PCDHGA7: variants seen among roughly 807,000 people sequenced by gnomAD.
PCDHGA7 encodes the protein protocadherin gamma subfamily A, 7.
A neutral mutation model predicts 58.3 loss-of-function variants in PCDHGA7; 44 were observed. The observed-to-expected ratio is 0.75, with a 90% CI of 0.59 to 0.97. The LOEUF is 0.97. Among genes scored for constraint, PCDHGA7 ranks in the 50% least tolerant of loss-of-function variants. The pLI, the probability that PCDHGA7 is intolerant of heterozygous loss-of-function variation, is 0.00. For synonymous variants in PCDHGA7, 516 were observed against 504.2 expected, an observed-to-expected ratio of 1.02 and a Z score of -0.31; for missense variants, 1,266 against 1,188.7, an observed-to-expected ratio of 1.06 and a Z score of -0.96.
At chr5:141,498,581 C>A (rs1281809549) in intron 2 of PCDHGA7, among the ~76,000 whole-genome samples, 1 of 152,104 alleles carries the variant, frequency 6.6e-6, no homozygotes, top group East Asian at 1.9e-4. Flanking sequence ...GTATTGAGTT[C>A]TTCAGTAAAC....
chr5:141,413,483 G>A (rs2095646690), intron 1 of PCDHGA7: 1 of 1,614,080 alleles, frequency 6.2e-7, no homozygotes, highest in East Asian at 2.2e-5. Flanking sequence ...TGCGCTCAGA[G>A]CGCGCGGTGC....
At chr5:141,401,058 T>A (rs967099811) in intron 1 of PCDHGA7, among the ~76,000 whole-genome samples, 1 of 152,236 alleles carries the variant, frequency 6.6e-6, no homozygotes, top group African/African-American at 2.4e-5. Flanking sequence ...AAATACTATA[T>A]GTTGGCTGGG....
chr5:141,474,608 T>G (rs1469173973), intron 1 of PCDHGA7, among the ~76,000 whole-genome samples: 1 of 152,268 alleles, frequency 6.6e-6, no homozygotes, highest in Non-Finnish European at 1.5e-5. Flanking sequence ...AGGTCACATA[T>G]GGCTTTTCAT....
chr5:141,384,372 G>C lies in PCDHGA7; in HGVS notation c.1473G>C (p.Leu491Phe). 1 of 1,613,854 alleles carries C rather than the reference G, an allele frequency of 6.2e-7. No individual in the cohort carries two copies. Among genetic ancestry groups the C allele is most frequent in the South Asian group, 1.1e-5 (1 of 91,088 alleles). Residue 491 changes from leucine (L) to phenylalanine (F), a missense_variant, in exon 1 of 4, where the codon TTG becomes TTC. Coordinates refer to ENST00000518325, the MANE Select transcript of PCDHGA7 (RefSeq NM_018920.4). Reference sequence around the variant, plus strand: ...ATAATGCCCAGATCACTTATTCCTTGGCCGAAGACACCATCCAGGGGGCTC... The same window carrying C: ...ATAATGCCCAGATCACTTATTCCTTCGCCGAAGACACCATCCAGGGGGCTC... ...SEDNAQITYS[L>F]AEDTIQGAPV...
intron 1 of PCDHGA7, chr5:141,418,120 G>A: frequency 6.2e-7 from 1 of 1,614,084 alleles, no homozygotes; most frequent in Non-Finnish European, 8.5e-7. Context: ...TACTTGTGAA[G>A]GACCGAATAG....
intron 1 of PCDHGA7, among the ~76,000 whole-genome samples, chr5:141,433,680 A>G (rs570459317): frequency 1.3e-5 from 2 of 152,236 alleles, no homozygotes; most frequent in African/African-American, 4.8e-5. Context: ...TACTAAAAAA[A>G]TACAAAATTA....
At chr5:141,453,807 A>G (rs752553367) in intron 1 of PCDHGA7, among the ~76,000 whole-genome samples, 3 of 152,250 alleles carry the variant, frequency 2.0e-5, no homozygotes, top group Non-Finnish European at 4.4e-5. Flanking sequence ...GAGTAGTTCC[A>G]TAAAGGACAA....
At chr5:141,414,245 T>A in intron 1 of PCDHGA7, 2 of 1,613,498 alleles carry the variant, frequency 1.2e-6, no homozygotes, top group Non-Finnish European at 1.7e-6. Context: ...ACGTCTCTAT[T>A]TAGTCCAGTG....
Position 141,485,792 on chromosome 5 carries a change from G to T in PCDHGA7, c.2425-9015G>T, listed in dbSNP as rs114766079. 6.2e-6 allele frequency: 10 copies of T among 1,614,118 alleles called. No individual in the cohort carries two copies. In the Admixed American group the frequency reaches 1.3e-4, roughly 22 times the overall value. ...GCCTTTGGATCGAGAGAAGCAATCG[G>T]ACTACCGCCTGGTGCTGACTGCTGT... On this transcript the variant is annotated intron_variant, in intron 1 of 3. Transcript: ENST00000518325. This position sits in a 1 kb window ranked among gnomAD's most constrained non-coding sequence, Gnocchi z 5.7.
intron 1 of PCDHGA7, chr5:141,428,189 CTCTCTGCGCCGCTACGCTTCACCTAG>C: frequency 7.0e-7 from 1 of 1,429,262 alleles, no homozygotes; most frequent in Non-Finnish European, 9.7e-7. Flanking sequence ...ACAGCCGCCG[CTCTCTGCGCCGCTACGCTTCACCTAG>C]TCTTCGCAGA....
intron 1 of PCDHGA7, chr5:141,393,440 C>T (rs777552488): frequency 1.7e-5 from 27 of 1,613,924 alleles, no homozygotes; most frequent in Non-Finnish European, 2.3e-5. Context: ...CTGCTCACCA[C>T]CTGGTCCTCA....
rs200843744 is a variant in PCDHGA7, at chr5:141,491,417, G to C, written c.2425-3390G>C. 18 of 1,613,988 alleles carry C rather than the reference G, an allele frequency of 1.1e-5. No individual in the cohort carries two copies. Among genetic ancestry groups the C allele is most frequent in the Admixed American group, 5.0e-5 (3 of 60,006 alleles). ...CAGGGAAACGCAGACGGGGACGGGGGTGGAGGGCAGTGCTGCAGGCGCCAG... is the reference window on the plus strand; with the variant it reads ...CAGGGAAACGCAGACGGGGACGGGGCTGGAGGGCAGTGCTGCAGGCGCCAG... On this transcript the variant is annotated intron_variant, in intron 1 of 3. Transcript: ENST00000518325. This position sits in a 1 kb window ranked among gnomAD's most constrained non-coding sequence, Gnocchi z 6.9.
At chr5:141,481,762 GC>G (rs1307001837) in intron 1 of PCDHGA7, among the ~76,000 whole-genome samples, 1 of 152,126 alleles carries the variant, frequency 6.6e-6, no homozygotes, top group Admixed American at 6.5e-5. Context: ...GACCAGCCTG[GC>G]CAACATGGTG....
chr5:141,426,766 T>C (rs2096958771), intron 1 of PCDHGA7: 1 of 456,532 alleles, frequency 2.2e-6, no homozygotes, highest in South Asian at 1.5e-5. Flanking sequence ...GATGCAGATG[T>C]AGGGCCTCAC....
intron 1 of PCDHGA7, among the ~76,000 whole-genome samples, chr5:141,473,948 A>ACC (rs2099333859): frequency 1.3e-5 from 2 of 152,182 alleles, no homozygotes; most frequent in Non-Finnish European, 2.9e-5. Context: ...TCAGGCCTGT[A>ACC]GTCCCATCTA....
intron 2 of PCDHGA7, among the ~76,000 whole-genome samples, chr5:141,500,900 C>T (rs1309164700): frequency 4.0e-5 from 6 of 150,642 alleles, no homozygotes; most frequent in South Asian, 2.1e-4. Flanking sequence ...GAGACAGTCT[C>T]GCTCTGTCTC....
chr5:141,400,011 G>A (rs200842238), intron 1 of PCDHGA7: 35 of 1,612,624 alleles, frequency 2.2e-5, no homozygotes, highest in African/African-American at 4.0e-5. Context: ...CGCGTGCCTT[G>A]GGCGACAGGG....
In PCDHGA7 at chr5:141,502,866, CT is replaced by C. The variant is rs549047197; in HGVS notation, c.2484-2513del. Among the ~76,000 whole-genome samples the C allele has an allele frequency of 2.5e-3, 324 of 127,930 alleles. 1 individual carries two copies. Among genetic ancestry groups the C allele is most frequent in the Non-Finnish European group, 3.0e-3 (189 of 62,366 alleles). 83.9% of individuals were successfully genotyped at this position (127,930 alleles called of 152,430 possible). On this transcript the variant is annotated intron_variant, in intron 2 of 3. Transcript: ENST00000518325. ...GAGCTGCCTAACCCTGACTCTCTGT[CT>C]TTTTTTTTTTTTTGACAGGGAGTCT...
At chr5:141,390,237 G>A (rs748278212) in intron 1 of PCDHGA7, 2 of 1,614,004 alleles carry the variant, frequency 1.2e-6, no homozygotes, top group Non-Finnish European at 1.7e-6. Flanking sequence ...TTCATCTGGG[G>A]CCTTATTTCC....
Sources: gnomAD v4.1 joint callset for allele counts (sites outside exome capture counted in the v4.1 genomes callset) on GRCh38, gnomAD v4.1.1 for gene constraint, Gnocchi (gnomAD v3.1) non-coding constraint, MANE v1.5 for transcripts, NCBI Gene and HGNC (gene_info 2026-07-23, HGNC 2026-07-21) for gene names.